Variants in RUNX2 observed in about 807,000 individuals in gnomAD.
RUNX2 encodes the protein RUNX family transcription factor 2.
Under a neutral mutation model 51.7 loss-of-function variants are expected in RUNX2, and 10 were observed. The ratio of observed to expected loss-of-function variants is 0.19; its 90% CI spans 0.12 to 0.33. The LOEUF is 0.33. RUNX2 is among the 10% of genes least tolerant of loss of function. The pLI, the probability that RUNX2 is intolerant of heterozygous loss-of-function variation, is 1.00. For synonymous variants in RUNX2, 276 were observed against 273.6 expected (o/e 1.01, Z -0.09); for missense variants, 562 against 691.3 (o/e 0.81, Z 2.10).
chr6:45,395,220 C>G (rs1266895904), intron 2 of RUNX2, among the ~76,000 whole-genome samples: 1 of 152,116 alleles, frequency 6.6e-6, no homozygotes, highest in Non-Finnish European at 1.5e-5. Context: ...GTTTGTTCAG[C>G]TTTTTTTCTT....
rs190168426 is a variant in RUNX2 at position 45,483,810 on chromosome 6, G to A, written c.686-8131G>A. Among the ~76,000 whole-genome samples the A allele has an allele frequency of 1.1e-4, 17 of 152,308 alleles. No homozygotes were observed. In the East Asian group the frequency reaches 2.5e-3, roughly 22 times the overall value. ...CGGAGAGGGTGTTCCAAGTGGAGGG[G>A]ACAGCTTGAGCAAAGGCACAGGGTG... On this transcript the variant is annotated intron_variant, in intron 5 of 8. Transcript: ENST00000647337.
chr6:45,457,018 C>A (rs904849780), intron 5 of RUNX2, among the ~76,000 whole-genome samples: 15 of 152,188 alleles, frequency 9.9e-5, no homozygotes, highest in South Asian at 8.3e-4. Context: ...TTACCACATC[C>A]AAAATAATTT....
At chr6:45,344,228 T>C (rs1304732833) in intron 2 of RUNX2, among the ~76,000 whole-genome samples, 1 of 152,232 alleles carries the variant, frequency 6.6e-6, no homozygotes, top group African/African-American at 2.4e-5. Flanking sequence ...TTAGCTCCTC[T>C]GCAGGGGTTT....
intron 5 of RUNX2, among the ~76,000 whole-genome samples, chr6:45,482,348 T>C (rs1800142572): frequency 6.6e-6 from 1 of 152,276 alleles, no homozygotes; most frequent in Non-Finnish European, 1.5e-5. Flanking sequence ...GTTTGACTGA[T>C]ATTGGCGTAG....
At chr6:45,367,964 T>G (rs16873373) in intron 2 of RUNX2, among the ~76,000 whole-genome samples, 19,952 of 152,186 alleles carry the variant, frequency 0.13, 1,537 homozygotes, top group East Asian at 0.26. Context: ...ATTAACTTCT[T>G]TTGACATTAA....
chr6:45,365,082 T>A (rs961275155), intron 2 of RUNX2: 5 of 684,642 alleles, frequency 7.3e-6, no homozygotes, highest in African/African-American at 7.3e-5. Flanking sequence ...ATTTCATTTT[T>A]ACTTGATTAA....
At chr6:45,522,725 C>A (rs73448178) in intron 7 of RUNX2, among the ~76,000 whole-genome samples, 12,975 of 152,228 alleles carry the variant, frequency 0.085, 1,264 homozygotes, top group African/African-American at 0.24. Context: ...ATCTCTAACT[C>A]CTACTCCGAT....
At chr6:45,526,545 C>T (rs1245158236) in intron 7 of RUNX2, among the ~76,000 whole-genome samples, 4 of 152,098 alleles carry the variant, frequency 2.6e-5, no homozygotes, top group East Asian at 1.9e-4. Context: ...TGAATCATAA[C>T]GAGATTTCTC....
At chr6:45,459,753 AGT>A (rs1799420205) in intron 5 of RUNX2, among the ~76,000 whole-genome samples, 2 of 152,242 alleles carry the variant, frequency 1.3e-5, no homozygotes, top group African/African-American at 4.8e-5. Flanking sequence ...GATAGTGATA[AGT>A]ACTTTAAAGA....
At chr6:45,438,481 A>G (rs1798752166) in intron 5 of RUNX2, among the ~76,000 whole-genome samples, 1 of 152,194 alleles carries the variant, frequency 6.6e-6, no homozygotes, top group Non-Finnish European at 1.5e-5. Context: ...TAACTCGCCC[A>G]CTCAATTCCC....
intron 2 of RUNX2, among the ~76,000 whole-genome samples, chr6:45,336,638 T>A (rs1016818791): frequency 6.6e-6 from 1 of 151,408 alleles, no homozygotes; most frequent in African/African-American, 2.4e-5. Flanking sequence ...TACTCAGACG[T>A]ATTCAAACAA....
chr6:45,528,349 G>C (rs531873923), intron 7 of RUNX2, among the ~76,000 whole-genome samples: 4 of 152,102 alleles, frequency 2.6e-5, no homozygotes, highest in Admixed American at 1.3e-4. Context: ...GGTCAGGCGC[G>C]GTGGCTCAAG....
At chr6:45,352,866 T>C (rs1200947945) in intron 2 of RUNX2, among the ~76,000 whole-genome samples, 1 of 152,054 alleles carries the variant, frequency 6.6e-6, no homozygotes, top group South Asian at 2.1e-4. Context: ...TATATATCTA[T>C]AAAAAAATTA....
Position 45,488,343 on chromosome 6 carries a change from A to G in RUNX2, c.686-3598A>G, listed in dbSNP as rs1368254684. ...GAGAAATAGGATTTTTTTGGAGGGGAGAATAAAAAATTCTGTTTTGAATAT... is the reference window on the plus strand; with the variant it reads ...GAGAAATAGGATTTTTTTGGAGGGGGGAATAAAAAATTCTGTTTTGAATAT... On this transcript the variant is annotated intron_variant, in intron 5 of 8. Transcript: ENST00000647337. Among the ~76,000 whole-genome samples the G allele has an allele frequency of 4.6e-5, 7 of 152,024 alleles. No individual in the cohort carries two copies. The South Asian group carries it at 8.3e-4, about 18-fold the overall frequency.
At chr6:45,394,700 G>T (rs1049178417) in intron 2 of RUNX2, among the ~76,000 whole-genome samples, 2 of 152,130 alleles carry the variant, frequency 1.3e-5, no homozygotes, top group Admixed American at 6.5e-5. Context: ...AGGGGCTGGG[G>T]TTATGTATTT....
chr6:45,423,294 A>G (rs539233734), intron 3 of RUNX2, among the ~76,000 whole-genome samples: 78 of 151,738 alleles, frequency 5.1e-4, no homozygotes, highest in African/African-American at 1.8e-3. Context: ...AGGATCCCCA[A>G]AGTACCCACT....
At chr6:45,357,174 T>C (rs1390193896) in intron 2 of RUNX2, among the ~76,000 whole-genome samples, 1 of 151,762 alleles carries the variant, frequency 6.6e-6, no homozygotes, top group Non-Finnish European at 1.5e-5. Flanking sequence ...GCCTGGCTAA[T>C]TTTTTTGTAT....
intron 3 of RUNX2, among the ~76,000 whole-genome samples, chr6:45,425,807 G>A (rs1798366767): frequency 6.6e-6 from 1 of 152,094 alleles, no homozygotes. Flanking sequence ...CAGCAATTTG[G>A]CCATGATATT....
At chr6:45,419,296 C>G (rs1376336467) in intron 2 of RUNX2, among the ~76,000 whole-genome samples, 1 of 152,066 alleles carries the variant, frequency 6.6e-6, no homozygotes, top group Non-Finnish European at 1.5e-5. Context: ...GTCACTTTTA[C>G]CATAGAAATA....
Sources: allele counts gnomAD v4.1 joint callset (sites outside exome capture counted in the v4.1 genomes callset), GRCh38; gene constraint gnomAD v4.1.1; transcripts MANE v1.5; gene names NCBI Gene and HGNC (gene_info 2026-07-23, HGNC 2026-07-21).